The following TM4SF19 variants were observed in gnomAD, a reference collection of about 807,000 sequenced individuals.
The protein encoded by TM4SF19 is transmembrane 4 L six family member 19.
In TM4SF19, 17 loss-of-function variants were observed where a neutral mutation model predicts 21.8. That is an observed-to-expected ratio of 0.78 (90% CI 0.53 to 1.17). The LOEUF (loss-of-function observed/expected upper bound fraction) is 1.17. TM4SF19 is among the 50% of genes most tolerant of loss of function. TM4SF19 has a pLI of 0.00. For synonymous variants in TM4SF19, 107 were observed against 106.7 expected (o/e 1.00, Z -0.02); for missense variants, 216 against 252.1 (o/e 0.86, Z 0.97).
At chr3:196,334,408 T>C (rs1387706083) in intron 1 of TM4SF19, among the ~76,000 whole-genome samples, 3 of 151,854 alleles carry the variant, frequency 2.0e-5, no homozygotes, top group Non-Finnish European at 4.4e-5. Flanking sequence ...GGAGTCTTGC[T>C]CTGTCTCCCA....
At chr3:196,331,260 G>C (rs1294624074) in intron 1 of TM4SF19, among the ~76,000 whole-genome samples, 2 of 150,580 alleles carry the variant, frequency 1.3e-5, no homozygotes, top group African/African-American at 4.9e-5. Context: ...CAGGAAACAA[G>C]AGTGAAGCTC....
At chr3:196,331,869 C>T (rs1727526287) in intron 1 of TM4SF19, among the ~76,000 whole-genome samples, 1 of 152,196 alleles carries the variant, frequency 6.6e-6, no homozygotes, top group Non-Finnish European at 1.5e-5. Flanking sequence ...AAGGGCCCTC[C>T]CACTTCAGAC....
chr3:196,324,645 C>T, intron 3 of TM4SF19: 2 of 582,530 alleles, frequency 3.4e-6, no homozygotes, highest in South Asian at 2.3e-5. Flanking sequence ...AAGCATAACC[C>T]ATGGTGGGGA....
intron 1 of TM4SF19, among the ~76,000 whole-genome samples, chr3:196,331,597 G>A (rs1432451163): frequency 3.3e-5 from 5 of 151,606 alleles, no homozygotes; most frequent in Non-Finnish European, 7.4e-5. Context: ...AGACCAGCCT[G>A]GCCATCATGA....
At position 196,323,833 on chromosome 3, in the gene TM4SF19, CT is replaced by C; in HGVS notation, c.613del (p.Ser205AlafsTer40). On this transcript the variant is annotated frameshift_variant, in exon 5 of 5. Transcript: ENST00000273695. LOFTEE classifies it high-confidence loss of function. ...TTCTGCCTGTCACTTCTCGCAGAGGCTGCAGAAAAGGCCCAGGAGGCTGTTG... is the reference window on the plus strand; with the variant it reads ...TTCTGCCTGTCACTTCTCGCAGAGGCGCAGAAAAGGCCCAGGAGGCTGTTG... ...VINSLLGLFC[S>X]LCEK 1.2e-6 allele frequency: 2 copies of C among 1,614,160 alleles called. No individual in the cohort carries two copies. Among genetic ancestry groups the C allele is most frequent in the East Asian group, 4.5e-5 (2 of 44,882 alleles).
rs756156595 is a variant in TM4SF19 at position 196,323,871 on chromosome 3, G to A, written c.576C>T (p.Val192=). The A allele has an allele frequency of 5.0e-6, 8 of 1,614,050 alleles. No individual in the cohort carries two copies. Among genetic ancestry groups the A allele is most frequent in the Admixed American group, 1.7e-5 (1 of 59,998 alleles). ...CISLLQLLLV[V]VHVINSLLGL... ...CCAGGAGGCTGTTGATGACATGAAC[G>A]ACCACCAGGAGAAGCTGGAGCAGGC... Residue 192 remains valine (V), a synonymous_variant, in exon 5 of 5, where the codon GTC becomes GTT. Transcript: ENST00000273695.
At chr3:196,335,705 TGGGAGCAGG>T (rs1276907484) in intron 1 of TM4SF19, among the ~76,000 whole-genome samples, 1 of 151,896 alleles carries the variant, frequency 6.6e-6, no homozygotes, top group African/African-American at 2.4e-5. Flanking sequence ...GTCCTGCTCC[TGGGAGCAGG>T]GCGCCTGTGG....
In TM4SF19 at chr3:196,327,398, C is replaced by G; in HGVS notation, c.193G>C (p.Gly65Arg). Residue 65 changes from glycine (G) to arginine (R), a missense_variant, in exon 2 of 5, where the codon GGC becomes CGC. By Grantham distance (125) the Gly-to-Arg change is moderately radical. Coordinates refer to ENST00000273695, the MANE Select transcript of TM4SF19 (RefSeq NM_138461.4). ...AMLGTGLWGG[G>R]LMVLTAAILI... The stretch of plus-strand genomic sequence containing the variant: ...GAACCCCGGACACTTACCATGAGGC[C>G]TCCTCCCCAGAGCCCAGTTCCCAGC... The G allele has an allele frequency of 6.2e-7, 1 of 1,613,964 alleles. No individual in the cohort carries two copies. Among genetic ancestry groups the G allele is most frequent in the African/African-American group, 1.3e-5 (1 of 75,042 alleles).
chr3:196,327,656 C>G, intron 1 of TM4SF19, 65 bp from the exon 2 acceptor site: 1 of 1,389,776 alleles, frequency 7.2e-7, no homozygotes, highest in Non-Finnish European at 1.0e-6. Context: ...GGAACTCCAG[C>G]AGCATATCAT....
At chr3:196,337,550 G>C (rs1275387704) in intron 1 of TM4SF19, among the ~76,000 whole-genome samples, 2 of 152,172 alleles carry the variant, frequency 1.3e-5, no homozygotes, top group Non-Finnish European at 2.9e-5. Context: ...CAAAATGGTG[G>C]AGTTTAGCTG....
intron 1 of TM4SF19, among the ~76,000 whole-genome samples, chr3:196,334,846 TA>T (rs528227795): frequency 1.2e-3 from 76 of 63,986 alleles, no homozygotes; most frequent in South Asian, 4.3e-3. Flanking sequence ...AGGTGGGGGT[TA>T]GGAGAAGGGA....
In TM4SF19 at chr3:196,323,634, T is replaced by C; in HGVS notation, c.*183A>G. The C allele has an allele frequency of 1.7e-6, 2 of 1,197,748 alleles. No individual in the cohort carries two copies. The highest frequency in any genetic ancestry group is 1.2e-6 in the Non-Finnish European group (1 of 868,390). 74.2% of individuals were successfully genotyped at this position (1,197,748 alleles called of 1,614,324 possible). A position where few individuals can be genotyped will look rare whatever the true frequency, so the allele number is the denominator to read the frequency against. The stretch of plus-strand genomic sequence containing the variant: ...ATCCTATCCATGGATCACCTGGAAG[T>C]TTACAATGTGATTTAAAATGCATTC... On this transcript the variant is annotated 3_prime_UTR_variant, in exon 5 of 5. Transcript: ENST00000273695.
Position 196,329,367 on chromosome 3 carries a change from C to T in TM4SF19, c.-1-1776G>A, listed in dbSNP as rs1727425580. 1.6e-5 allele frequency among the ~76,000 whole-genome samples: 2 copies of T among 127,102 alleles called. 1 individual carries two copies. Among genetic ancestry groups the T allele is most frequent in the Admixed American group, 1.8e-4 (2 of 11,128 alleles). 83.4% of individuals were successfully genotyped at this position (127,102 alleles called of 152,430 possible). A position where few individuals can be genotyped will look rare whatever the true frequency, so the allele number is the denominator to read the frequency against. On this transcript the variant is annotated intron_variant, in intron 1 of 4. Transcript: ENST00000273695. ...TTACTTCACAACATATTCAAAAATT[C>T]ACTTGAAATGGAGCATGGGTCTAAA...
Position 196,324,406 on chromosome 3 carries a change from A to G in TM4SF19, c.314T>C (p.Leu105Ser), listed in dbSNP as rs1329929502. The G allele has an allele frequency of 3.7e-6, 6 of 1,614,226 alleles. No individual in the cohort carries two copies. The highest frequency in any genetic ancestry group is 1.7e-5 in the Admixed American group (1 of 60,022). ...LTALLSGGLA[L>S]LGALICFVTS... ...GACAAAGCAAATCAGGGCTCCAAGT[A>G]AAGCCAGGCCACCTGACAACAGAGC... is the stretch of plus-strand genomic sequence containing the variant. Residue 105 changes from leucine (L) to serine (S), a missense_variant, in exon 4 of 5, where the codon TTA becomes TCA. By Grantham distance (145) the Leu-to-Ser change is moderately radical. Transcript: ENST00000273695.
rs1173249898 is a variant in TM4SF19 at position 196,338,371 on chromosome 3, GTCTTTCCAGGAC to G, written c.-121_-110del. ...AGCTCCAGGGCTGGACCTGAAGGTT[GTCTTTCCAGGAC>G]TCTTTCCAGGAGGGCCAGGGAGGCT... On this transcript the variant is annotated 5_prime_UTR_variant, in exon 1 of 5. Coordinates refer to ENST00000273695, the MANE Select transcript of TM4SF19 (RefSeq NM_138461.4). 1 of 152,382 alleles carries G rather than the reference GTCTTTCCAGGAC, an allele frequency of 6.6e-6. No homozygotes were observed. Among genetic ancestry groups the G allele is most frequent in the African/African-American group, 2.4e-5 (1 of 41,446 alleles). 9.4% of individuals were successfully genotyped at this position (152,382 alleles called of 1,614,324 possible).
intron 1 of TM4SF19, among the ~76,000 whole-genome samples, chr3:196,333,708 G>A (rs1427540186): frequency 2.6e-5 from 4 of 152,070 alleles, no homozygotes; most frequent in Admixed American, 2.0e-4. Flanking sequence ...CAATAGACAC[G>A]GAACAAGCCT....
In TM4SF19 at chr3:196,326,996, A is replaced by T. The variant is rs376467574; in HGVS notation, c.238T>A (p.Trp80Arg). The T allele has an allele frequency of 6.2e-7, 1 of 1,611,764 alleles. No individual in the cohort carries two copies. Among genetic ancestry groups the T allele is most frequent in the East Asian group, 2.2e-5 (1 of 44,792 alleles). Residue 80 changes from tryptophan (W) to arginine (R), a missense_variant, in exon 3 of 5, where the codon TGG (tryptophan) becomes AGG (arginine). Coordinates refer to ENST00000273695, the MANE Select transcript of TM4SF19 (RefSeq NM_138461.4). The stretch of plus-strand genomic sequence containing the variant: ...CTCTTACTGAAGCAGCCGTATCTCC[A>T]GCCCATCAAGGAGATGAGGATAGCT... The part of the protein sequence containing the change: ...TAAILISLMG[W>R]RYGCFSKSGL...
At chr3:196,330,677 T>C (rs1727472482) in intron 1 of TM4SF19, among the ~76,000 whole-genome samples, 1 of 152,174 alleles carries the variant, frequency 6.6e-6, no homozygotes, top group Admixed American at 6.5e-5. Flanking sequence ...GGAGAGCAGA[T>C]GAGCGGTTGC....
chr3:196,325,432 C>G lies in TM4SF19; in HGVS notation c.280-992G>C, dbSNP rs1727247808. The G allele has an allele frequency of 6.6e-6, 1 of 152,198 alleles. No individual in the cohort carries two copies. The highest frequency in any genetic ancestry group is 2.4e-5 in the African/African-American group (1 of 41,424). 9.4% of individuals were successfully genotyped at this position (152,198 alleles called of 1,614,324 possible). On this transcript the variant is annotated intron_variant, in intron 3 of 4. Transcript: ENST00000273695. This position sits in a 1 kb window ranked among gnomAD's most constrained non-coding sequence, Gnocchi z 4.3. The stretch of plus-strand genomic sequence containing the variant: ...GGTCATGCCGGTCTCAATCTCCTGA[C>G]CTTGTGATCCACCTGCTTCAGCCTC...
Sources: allele counts gnomAD v4.1 joint callset (sites outside exome capture counted in the v4.1 genomes callset), GRCh38; gene constraint gnomAD v4.1.1; non-coding constraint Gnocchi (gnomAD v3.1); transcripts MANE v1.5; gene names NCBI Gene and HGNC (gene_info 2026-07-23, HGNC 2026-07-21).